GADL1: variants seen among roughly 807,000 people sequenced by gnomAD.
The protein encoded by GADL1 is GAD like acidic amino acid decarboxylase 1, also known as acidic amino acid decarboxylase GADL1.
Under a neutral mutation model 69.5 loss-of-function variants are expected in GADL1, and 71 were observed. The observed-to-expected ratio is 1.02, with a 90% CI of 0.84 to 1.25. GADL1 has a LOEUF of 1.25. GADL1 is among the 50% of genes most tolerant of loss of function. The pLI is 0.00. For missense variants in GADL1, 737 were observed against 631.8 expected (o/e 1.17, Z -1.79); for synonymous variants, 254 against 214.4 (o/e 1.18, Z -1.62).
At chr3:30,864,833 C>T (rs1386332889) in intron 1 of GADL1, among the ~76,000 whole-genome samples, 2 of 151,980 alleles carry the variant, frequency 1.3e-5, no homozygotes, top group African/African-American at 4.8e-5. Flanking sequence ...TACCTTAGTT[C>T]AAACCACCTT....
chr3:30,859,501 G>A (rs1451857863), intron 2 of GADL1, among the ~76,000 whole-genome samples: 4 of 151,776 alleles, frequency 2.6e-5, no homozygotes, highest in Non-Finnish European at 5.9e-5. Flanking sequence ...GGTTTCAGGG[G>A]CTAGAGGAAA....
intron 1 of GADL1, among the ~76,000 whole-genome samples, chr3:30,867,172 T>C (rs964409918): frequency 6.6e-6 from 1 of 151,946 alleles, no homozygotes; most frequent in African/African-American, 2.4e-5. Context: ...TCCGGATTCC[T>C]ACCCAAAAGG....
intron 2 of GADL1, among the ~76,000 whole-genome samples, chr3:30,858,878 G>C (rs983383980): frequency 6.6e-6 from 1 of 151,992 alleles, no homozygotes; most frequent in African/African-American, 2.4e-5. Context: ...AGGAAGAGGA[G>C]CCTGACTGTC....
chr3:30,774,348 CTAACTGT>C (rs1177883701), intron 14 of GADL1, among the ~76,000 whole-genome samples: 4 of 152,148 alleles, frequency 2.6e-5, no homozygotes, highest in Non-Finnish European at 5.9e-5. Flanking sequence ...AGCGCAGAAC[CTAACTGT>C]TTAACATACC....
At chr3:30,827,533 T>A (rs1279468652) in intron 11 of GADL1, among the ~76,000 whole-genome samples, 2 of 151,820 alleles carry the variant, frequency 1.3e-5, no homozygotes, top group African/African-American at 4.8e-5. Context: ...TGTTATTGGT[T>A]TGTTTGGTGG....
At chr3:30,874,739 T>G (rs1474417348) in intron 1 of GADL1, among the ~76,000 whole-genome samples, 1 of 151,988 alleles carries the variant, frequency 6.6e-6, no homozygotes, top group Admixed American at 6.6e-5. Context: ...TTGTAGGTCC[T>G]TTGTAAACAG....
chr3:30,793,673 T>C (rs1696969243), intron 12 of GADL1, among the ~76,000 whole-genome samples: 1 of 152,204 alleles, frequency 6.6e-6, no homozygotes, highest in African/African-American at 2.4e-5. Flanking sequence ...CAATTTTTCT[T>C]CCTTACAAAG....
At chr3:30,754,937 T>C (rs946760832) in intron 14 of GADL1, among the ~76,000 whole-genome samples, 1 of 152,080 alleles carries the variant, frequency 6.6e-6, no homozygotes, top group East Asian at 1.9e-4. Flanking sequence ...TGGTCAAATA[T>C]TGAAAAACCA....
chr3:30,752,177 T>C (rs1381444752), intron 14 of GADL1, among the ~76,000 whole-genome samples: 2 of 142,652 alleles, frequency 1.4e-5, no homozygotes, highest in Non-Finnish European at 3.0e-5. Context: ...TCTGATGTAG[T>C]GCTGTTAAGT....
chr3:30,838,741 A>G (rs983624865), intron 9 of GADL1, among the ~76,000 whole-genome samples: 1 of 152,146 alleles, frequency 6.6e-6, no homozygotes, highest in Non-Finnish European at 1.5e-5. Flanking sequence ...ATGACAGTAG[A>G]TTTGAGGACC....
intron 14 of GADL1, 56 bp downstream of exon 14, chr3:30,778,123 A>AAT (rs764108799): frequency 9.4e-6 from 9 of 953,534 alleles, no homozygotes; most frequent in African/African-American, 1.6e-5. Context: ...ATCAACAGAT[A>AAT]ATGTACACTG....
At chr3:30,738,616 T>A (rs1695572045) in intron 14 of GADL1, among the ~76,000 whole-genome samples, 1 of 152,218 alleles carries the variant, frequency 6.6e-6, no homozygotes. Context: ...TGAGTATCAC[T>A]CCATCTGAGA....
intron 13 of GADL1, among the ~76,000 whole-genome samples, chr3:30,783,245 A>G (rs1483148077): frequency 2.0e-5 from 3 of 152,192 alleles, no homozygotes; most frequent in Non-Finnish European, 4.4e-5. Context: ...GGACTCTCCC[A>G]AGAGATAAAA....
chr3:30,808,214 G>A (rs548437902), intron 11 of GADL1, among the ~76,000 whole-genome samples: 2 of 151,774 alleles, frequency 1.3e-5, no homozygotes, highest in East Asian at 4.0e-4. Context: ...AGGATGAACC[G>A]GCCGGGCCCA....
rs1418963638 is a variant in GADL1 at position 30,833,937 on chromosome 3, A to G, written c.969-3T>C. Reference sequence around the variant, plus strand: ...GGTTCCAGGCCACAGAGTCAGCCCTATTGTTTAAACAAAGGGACAGAGTAG... The same window carrying G: ...GGTTCCAGGCCACAGAGTCAGCCCTGTTGTTTAAACAAAGGGACAGAGTAG... On this transcript the variant is annotated splice_region_variant and splice_polypyrimidine_tract_variant and intron_variant, in intron 10 of 14. Transcript: ENST00000282538. The G allele has an allele frequency of 6.2e-7, 1 of 1,607,764 alleles. No individual in the cohort carries two copies. Among genetic ancestry groups the G allele is most frequent in the Non-Finnish European group, 8.5e-7 (1 of 1,174,818 alleles).
At position 30,839,125 on chromosome 3, in the gene GADL1, A is replaced by G. The variant is rs375163725; in HGVS notation, c.787-12T>C. 6.8e-7 allele frequency: 1 copy of G among 1,473,586 alleles called. No homozygotes were observed. Among genetic ancestry groups the G allele is most frequent in the Non-Finnish European group, 9.1e-7 (1 of 1,096,860 alleles). 91.3% of individuals were successfully genotyped at this position (1,473,586 alleles called of 1,614,324 possible). A position where few individuals can be genotyped will look rare whatever the true frequency, so the allele number is the denominator to read the frequency against. ...AACGGTGCTGCCCCCTGTAAGAAGG[A>G]TCCACACACACAAAATTATCACTGT... On this transcript the variant is annotated splice_polypyrimidine_tract_variant and intron_variant, in intron 8 of 14. Coordinates refer to ENST00000282538, the MANE Select transcript of GADL1 (RefSeq NM_207359.3).
At chr3:30,822,340 C>G (rs1359466028) in intron 11 of GADL1, among the ~76,000 whole-genome samples, 2 of 151,994 alleles carry the variant, frequency 1.3e-5, no homozygotes, top group Non-Finnish European at 2.9e-5. Flanking sequence ...AGGAGGAAAG[C>G]TTCTAAAAAC....
At chr3:30,744,253 C>A (rs541445821) in intron 14 of GADL1, among the ~76,000 whole-genome samples, 2 of 152,152 alleles carry the variant, frequency 1.3e-5, no homozygotes, top group African/African-American at 4.8e-5. Flanking sequence ...TTCAAAGCCC[C>A]CAAACCCTGC....
At chr3:30,803,404 A>G (rs564413968) in intron 11 of GADL1, among the ~76,000 whole-genome samples, 8 of 152,152 alleles carry the variant, frequency 5.3e-5, no homozygotes, top group African/African-American at 1.4e-4. Context: ...CGACACAGGC[A>G]CACACACTTG....
Sources: gnomAD v4.1 joint callset for allele counts (sites outside exome capture counted in the v4.1 genomes callset) on GRCh38, gnomAD v4.1.1 for gene constraint, MANE v1.5 for transcripts, NCBI Gene and HGNC (gene_info 2026-07-23, HGNC 2026-07-21) for gene names.